Variants in ZNF543 observed in about 807,000 individuals in gnomAD.
The protein encoded by ZNF543 is zinc finger protein 543.
Under a neutral mutation model 13.4 loss-of-function variants are expected in ZNF543, and 10 were observed. The observed-to-expected ratio is 0.75, with a 90% CI of 0.46 to 1.26. The LOEUF is 1.26. Ranked by LOEUF, ZNF543 falls within the 50% of genes most tolerant of loss-of-function variation. The pLI is 0.00. For missense variants in ZNF543, 768 were observed against 741.2 expected (o/e 1.04, Z -0.42); for synonymous variants, 272 against 264.7 (o/e 1.03, Z -0.27).
intron 2 of ZNF543, among the ~76,000 whole-genome samples, chr19:57,325,803 G>A (rs7252970): frequency 0.26 from 39,654 of 152,110 alleles, 5,357 homozygotes; most frequent in Admixed American, 0.29. Flanking sequence ...ACAAGCGTGA[G>A]CCACTGTGCC....
chr19:57,327,966 A>G lies in ZNF543; in HGVS notation c.504A>G (p.Thr168=). 2.5e-6 allele frequency: 4 copies of G among 1,614,186 alleles called. No homozygotes were observed. The highest frequency in any genetic ancestry group is 1.1e-5 in the South Asian group (1 of 91,086). Residue 168 remains threonine (T), a synonymous_variant, in exon 4 of 4, where the codon ACA becomes ACG. Coordinates refer to ENST00000321545, the MANE Select transcript of ZNF543 (RefSeq NM_213598.4). Reference sequence around the variant, plus strand: ...ATGATGGTGTATGTACAAAGATTACACAGAAACAAGTTTCAACAGAAGGTG... The same window carrying G: ...ATGATGGTGTATGTACAAAGATTACGCAGAAACAAGTTTCAACAGAAGGTG... ...GSDDGVCTKI[T]QKQVSTEGDL...
In ZNF543 at chr19:57,327,758, C is replaced by G; in HGVS notation, c.296C>G (p.Pro99Arg). The G allele has an allele frequency of 6.2e-7, 1 of 1,613,822 alleles. No individual in the cohort carries two copies. Among genetic ancestry groups the G allele is most frequent in the African/African-American group, 1.3e-5 (1 of 74,988 alleles). The part of the protein sequence containing the change: ...TEPTFSHLAL[P>R]EEVLLQEQLT... ...CCTACCTTTTCTCACCTGGCCTTGCCTGAGGAAGTCTTACTCCAGGAACAA... is the reference window on the plus strand; with the variant it reads ...CCTACCTTTTCTCACCTGGCCTTGCGTGAGGAAGTCTTACTCCAGGAACAA... The change falls in exon 4 of 4, where the codon CCT (proline) becomes CGT (arginine). Residue 99 changes from proline (P) to arginine (R), a missense_variant. Coordinates refer to ENST00000321545, the MANE Select transcript of ZNF543 (RefSeq NM_213598.4).
rs374158477 is a variant in ZNF543 at position 57,328,752 on chromosome 19, G to A, written c.1290G>A (p.Lys430=). 6.2e-7 allele frequency: 1 copy of A among 1,613,868 alleles called. No homozygotes were observed. Among genetic ancestry groups the A allele is most frequent in the Non-Finnish European group, 8.5e-7 (1 of 1,180,022 alleles). Residue 430 remains lysine (K), a synonymous_variant, in exon 4 of 4, where the codon AAG becomes AAA. Transcript: ENST00000321545. ...EKPYECSECG[K]AFTHCSTFVL... is the part of the protein sequence containing the mutation. Reference sequence around the variant, plus strand: ...CTTATGAATGCAGTGAATGTGGAAAGGCCTTCACCCACTGCTCCACTTTTG... The same window carrying A: ...CTTATGAATGCAGTGAATGTGGAAAAGCCTTCACCCACTGCTCCACTTTTG...
chr19:57,322,339 T>C (rs919419599), intron 1 of ZNF543, among the ~76,000 whole-genome samples: 1 of 152,138 alleles, frequency 6.6e-6, no homozygotes, highest in Non-Finnish European at 1.5e-5. Context: ...ATTATGACTA[T>C]GCTGCTCTGC....
In ZNF543 at chr19:57,320,621, G is replaced by A; in HGVS notation, c.-233G>A. 1 of 538,750 alleles carries A rather than the reference G, an allele frequency of 1.9e-6. No individual in the cohort carries two copies. Among genetic ancestry groups the A allele is most frequent in the Admixed American group, 3.5e-5 (1 of 28,894 alleles). The allele number at this position is 538,750 out of a possible 1,614,324, so 33.4% of individuals were successfully genotyped here. A position where few individuals can be genotyped will look rare whatever the true frequency, so the allele number is the denominator to read the frequency against. On this transcript the variant is annotated 5_prime_UTR_variant, in exon 1 of 4. Coordinates refer to ENST00000321545, the MANE Select transcript of ZNF543 (RefSeq NM_213598.4). ...CATCTTGGCGGGAGCCTGACGCCCC[G>A]CTTCTTCCCTAACGGGGTGTTCCAC...
At chr19:57,325,599 C>T (rs1237750799) in intron 2 of ZNF543, among the ~76,000 whole-genome samples, 1 of 152,174 alleles carries the variant, frequency 6.6e-6, no homozygotes, top group African/African-American at 2.4e-5. Context: ...GTAACCCACA[C>T]TGGAGTGCAG....
rs563244751 is a variant in ZNF543 at position 57,326,679 on chromosome 19, A to G, written c.192A>G (p.Arg64=). The change falls in exon 3 of 4, where the codon AGA becomes AGG. Residue 64 remains arginine, a synonymous_variant. Coordinates refer to ENST00000321545, the MANE Select transcript of ZNF543 (RefSeq NM_213598.4). Reference sequence around the variant, plus strand: ...AGCTGATCTACCAGTTGGATCACAGACAGGAGCTATGGATGGCTACAAAAG... The same window carrying G: ...AGCTGATCTACCAGTTGGATCACAGGCAGGAGCTATGGATGGCTACAAAAG... ...KPELIYQLDH[R]QELWMATKDL... 2 of 1,613,990 alleles carry G rather than the reference A, an allele frequency of 1.2e-6. No individual in the cohort carries two copies. The highest frequency in any genetic ancestry group is 1.1e-5 in the South Asian group (1 of 91,084).
chr19:57,326,813 C>A, intron 3 of ZNF543, 85 bp downstream of exon 3: 2 of 1,117,990 alleles, frequency 1.8e-6, no homozygotes, highest in Admixed American at 1.9e-5. Flanking sequence ...TGTGGGCAAT[C>A]TTCTTATTGT....
At chr19:57,324,354 GAAAAA>G (rs56924099) in intron 2 of ZNF543, among the ~76,000 whole-genome samples, 1 of 101,798 alleles carries the variant, frequency 9.8e-6, no homozygotes, top group African/African-American at 3.7e-5. Context: ...GACTCCGTCT[GAAAAA>G]AAAAAAAAAA....
Position 57,323,811 on chromosome 19 carries a change from A to G in ZNF543, c.145+3A>G, listed in dbSNP as rs544721879. 2.9e-5 allele frequency: 47 copies of G among 1,611,526 alleles called. No homozygotes were observed. The East Asian group carries it at 9.8e-4, about 34-fold the overall frequency. On this transcript the variant is annotated splice_donor_region_variant and intron_variant, in intron 2 of 3. Coordinates refer to ENST00000321545, the MANE Select transcript of ZNF543 (RefSeq NM_213598.4). ...CTGCGGACTTCTCATGTCTCTGGGT[A>G]AGGCCCCTTCTGGTCCTGTGCTCCC...
chr19:57,320,687 TCTC>T lies in ZNF543; in HGVS notation c.-163_-161del. 1.3e-6 allele frequency: 1 copy of T among 768,102 alleles called. No homozygotes were observed. The highest frequency in any genetic ancestry group is 1.9e-6 in the Non-Finnish European group (1 of 513,724). 47.6% of individuals were successfully genotyped at this position (768,102 alleles called of 1,614,324 possible). On this transcript the variant is annotated 5_prime_UTR_variant, in exon 1 of 4. Coordinates refer to ENST00000321545, the MANE Select transcript of ZNF543 (RefSeq NM_213598.4). ...CCTAGGCCTCCGCAGCCGCCCTCCGTCTCCTCAGCCCCGACGCTGCGCCCGCTT... is the reference window on the plus strand; with the variant it reads ...CCTAGGCCTCCGCAGCCGCCCTCCGTCTCAGCCCCGACGCTGCGCCCGCTT...
intron 3 of ZNF543, 135 bp downstream of exon 3, chr19:57,326,863 G>GC (rs752772288): frequency 2.9e-5 from 17 of 579,816 alleles, no homozygotes; most frequent in African/African-American, 1.2e-4. Context: ...GCCTCTCCCC[G>GC]CCCGCCCCCC....
Position 57,330,209 on chromosome 19 carries a change from T to C in ZNF543, c.*944T>C, listed in dbSNP as rs2088154724. 6.6e-6 allele frequency: 1 copy of C among 152,074 alleles called. No homozygotes were observed. The highest frequency in any genetic ancestry group is 1.5e-5 in the Non-Finnish European group (1 of 68,026). 9.4% of individuals were successfully genotyped at this position (152,074 alleles called of 1,614,324 possible). ...CACTTCAGATGCTTGTTTAAAAAAA[T>C]GTTTCACCATGTGTCTTTACCCAAT... On this transcript the variant is annotated 3_prime_UTR_variant, in exon 4 of 4. Transcript: ENST00000321545.
In ZNF543 at chr19:57,330,026, C is replaced by T. The variant is rs1005600795; in HGVS notation, c.*761C>T. ...CCCAGTGTCAGAACAGTTATACAAA[C>T]GAGGGCTTGAAAACATTTTGTGAAA... On this transcript the variant is annotated 3_prime_UTR_variant, in exon 4 of 4. Coordinates refer to ENST00000321545, the MANE Select transcript of ZNF543 (RefSeq NM_213598.4). The T allele has an allele frequency of 2.0e-5, 3 of 152,128 alleles. No homozygotes were observed. The highest frequency in any genetic ancestry group is 7.2e-5 in the African/African-American group (3 of 41,438). 9.4% of individuals were successfully genotyped at this position (152,128 alleles called of 1,614,324 possible).
At chr19:57,323,482 G>A (rs938495076) in intron 1 of ZNF543, 200 bp from the exon 2 acceptor site, 10 of 618,198 alleles carry the variant, frequency 1.6e-5, no homozygotes, top group Admixed American at 6.2e-5. Context: ...GTGAGCCACC[G>A]CGCCTGACCG....
intron 1 of ZNF543, among the ~76,000 whole-genome samples, chr19:57,321,076 A>G (rs2088087294): frequency 6.6e-6 from 1 of 152,166 alleles, no homozygotes; most frequent in African/African-American, 2.4e-5. Context: ...AGAAGGATGA[A>G]TGATGCTTCC....
rs1381803781 is a variant in ZNF543, at chr19:57,328,545, C to T, written c.1083C>T (p.His361=). 4 of 1,614,058 alleles carry T rather than the reference C, an allele frequency of 2.5e-6. No homozygotes were observed. Among genetic ancestry groups the T allele is most frequent in the Non-Finnish European group, 3.4e-6 (4 of 1,180,024 alleles). The part of the protein sequence containing the change: ...RSYLTWHQQI[H]TGVKPFECNE... Reference sequence around the variant, plus strand: ...ACCTCACGTGGCACCAACAGATTCACACTGGAGTGAAACCCTTTGAATGCA... The same window carrying T: ...ACCTCACGTGGCACCAACAGATTCATACTGGAGTGAAACCCTTTGAATGCA... The change falls in exon 4 of 4, where the codon CAC becomes CAT. Residue 361 remains histidine (H), a synonymous_variant. Transcript: ENST00000321545.
At chr19:57,326,853 G>GCC in intron 3 of ZNF543, 125 bp downstream of exon 3, 1 of 597,410 alleles carries the variant, frequency 1.7e-6, no homozygotes, top group Non-Finnish European at 2.7e-6. Flanking sequence ...GATCCATGGA[G>GCC]CCTCTCCCCG....
intron 2 of ZNF543, among the ~76,000 whole-genome samples, chr19:57,325,540 T>C (rs1255938463): frequency 6.6e-6 from 1 of 152,122 alleles, no homozygotes; most frequent in Non-Finnish European, 1.5e-5. Flanking sequence ...CAGTTGTCTT[T>C]CTTTGCTCCC....
Sources: allele counts gnomAD v4.1 joint callset (sites outside exome capture counted in the v4.1 genomes callset), GRCh38; gene constraint gnomAD v4.1.1; transcripts MANE v1.5; gene names NCBI Gene and HGNC (gene_info 2026-07-23, HGNC 2026-07-21).